Variants in PTDSS1 observed in about 807,000 individuals in gnomAD.
PTDSS1 encodes phosphatidylserine synthase 1, also known as PSS-1.
Under a neutral mutation model 70.5 loss-of-function variants are expected in PTDSS1, and 45 were observed. The observed-to-expected ratio is 0.64, with a 90% CI of 0.50 to 0.82. The LOEUF is 0.82. PTDSS1 is among the 40% of genes least tolerant of loss of function. The pLI is 0.00. For synonymous variants in PTDSS1, 188 were observed against 203.8 expected, an observed-to-expected ratio of 0.92 and a Z score of 0.66; for missense variants, 417 against 586.1, an observed-to-expected ratio of 0.71 and a Z score of 2.98.
chr8:96,271,316 G>A (rs1263599451), intron 1 of PTDSS1, among the ~76,000 whole-genome samples: 1 of 152,120 alleles, frequency 6.6e-6, no homozygotes, highest in South Asian at 2.1e-4. Flanking sequence ...TCTGCAATTT[G>A]CTTTATTTAC....
intron 12 of PTDSS1, among the ~76,000 whole-genome samples, chr8:96,333,059 A>G (rs1329330672): frequency 6.6e-6 from 1 of 152,206 alleles, no homozygotes; most frequent in African/African-American, 2.4e-5. Flanking sequence ...GGTGTGGAGC[A>G]GGTGAAGGGA....
chr8:96,267,633 G>A (rs1206564449), intron 1 of PTDSS1, among the ~76,000 whole-genome samples: 10 of 152,154 alleles, frequency 6.6e-5, no homozygotes, highest in African/African-American at 2.4e-4. Flanking sequence ...TCCATAAAAC[G>A]AAATTAGTAT....
At chr8:96,270,675 C>A (rs928711371) in intron 1 of PTDSS1, among the ~76,000 whole-genome samples, 11 of 152,176 alleles carry the variant, frequency 7.2e-5, no homozygotes, top group Admixed American at 6.5e-5. Context: ...GAAGTTTGAT[C>A]TTCCCATACT....
In PTDSS1 at chr8:96,262,358, G is replaced by A. The variant is rs1586177261; in HGVS notation, c.179+139G>A. 1.7e-6 allele frequency: 2 copies of A among 1,162,336 alleles called. No homozygotes were observed. Among genetic ancestry groups the A allele is most frequent in the East Asian group, 2.7e-5 (1 of 37,240 alleles). 72.0% of individuals were successfully genotyped at this position (1,162,336 alleles called of 1,614,324 possible). A position where few individuals can be genotyped will look rare whatever the true frequency, so the allele number is the denominator to read the frequency against. On this transcript the variant is annotated intron_variant, in intron 1 of 12. Coordinates refer to ENST00000517309, the MANE Select transcript of PTDSS1 (RefSeq NM_014754.3). The surrounding 1 kb of genome is among the most constrained non-coding windows in gnomAD (Gnocchi z 4.4). ...CTCCACGCACACGCACTGGCAGCCC[G>A]CCGCCCACGCGGCCCCTCCGCCCGC...
In PTDSS1 at chr8:96,333,847, G is replaced by C; in HGVS notation, c.*281G>C. ...CAGCGCGGTGTGTTGAAGGGAAACG[G>C]TAGCTATTCATTCACAGTTGCCAAG... On this transcript the variant is annotated 3_prime_UTR_variant, in exon 13 of 13. Coordinates refer to ENST00000517309, the MANE Select transcript of PTDSS1 (RefSeq NM_014754.3). 1.5e-6 allele frequency: 1 copy of C among 651,072 alleles called. No individual in the cohort carries two copies. The highest frequency in any genetic ancestry group is 2.4e-5 in the Admixed American group (1 of 41,566). The allele number at this position is 651,072 out of a possible 1,614,324, so 40.3% of individuals were successfully genotyped here. A position where few individuals can be genotyped will look rare whatever the true frequency, so the allele number is the denominator to read the frequency against.
At chr8:96,292,307 A>AAG (rs1810919101) in intron 4 of PTDSS1, among the ~76,000 whole-genome samples, 1 of 140,452 alleles carries the variant, frequency 7.1e-6, no homozygotes, top group Non-Finnish European at 1.5e-5. Context: ...AAAAAAAAAA[A>AAG]AAAGAAAAGA....
intron 1 of PTDSS1, among the ~76,000 whole-genome samples, chr8:96,266,652 CT>C (rs1377349989): frequency 6.6e-6 from 1 of 152,160 alleles, no homozygotes; most frequent in Non-Finnish European, 1.5e-5. Flanking sequence ...CCTGCATGCC[CT>C]TGTTGGCTGA....
intron 12 of PTDSS1, among the ~76,000 whole-genome samples, chr8:96,333,086 C>T (rs914957219): frequency 6.6e-6 from 1 of 152,192 alleles, no homozygotes; most frequent in African/African-American, 2.4e-5. Context: ...CCCTTGGTTG[C>T]AGGGCAGGAT....
intron 2 of PTDSS1, among the ~76,000 whole-genome samples, chr8:96,281,122 C>T (rs898127812): frequency 3.3e-5 from 5 of 152,134 alleles, no homozygotes; most frequent in African/African-American, 1.2e-4. Flanking sequence ...GTGCAAGTAA[C>T]CTAGTGAGCG....
intron 9 of PTDSS1, among the ~76,000 whole-genome samples, chr8:96,319,830 C>T (rs1811349464): frequency 6.6e-6 from 1 of 152,092 alleles, no homozygotes; most frequent in South Asian, 2.1e-4. Context: ...AGGCAGATAC[C>T]AGCCTGTGAC....
At chr8:96,295,307 T>C in intron 5 of PTDSS1, 51 bp downstream of exon 5, 1 of 1,514,652 alleles carries the variant, frequency 6.6e-7, no homozygotes, top group Non-Finnish European at 8.9e-7. Flanking sequence ...GTGTGTAGTT[T>C]ATATATAGGA....
Position 96,309,658 on chromosome 8 carries a change from C to T in PTDSS1, c.1073+36C>T, listed in dbSNP as rs1377192970. ...TGTTATTGTGGAGATTTAAAAACCA[C>T]TTAAGCCCTAATTTTATTTGGGTAT... On this transcript the variant is annotated intron_variant, in intron 9 of 12. Transcript: ENST00000517309. 1.9e-6 allele frequency: 3 copies of T among 1,603,076 alleles called. No homozygotes were observed. In the Admixed American group the frequency reaches 5.0e-5, roughly 27 times the overall value.
intron 2 of PTDSS1, among the ~76,000 whole-genome samples, chr8:96,276,247 T>A (rs1197304998): frequency 2.6e-5 from 4 of 152,212 alleles, no homozygotes; most frequent in Non-Finnish European, 5.9e-5. Context: ...TGGGGCTTCA[T>A]TAGCTGATGT....
chr8:96,262,252 C>A lies in PTDSS1; in HGVS notation c.179+33C>A. 1 of 1,091,488 alleles carries A rather than the reference C, an allele frequency of 9.2e-7. No individual in the cohort carries two copies. The highest frequency in any genetic ancestry group is 1.6e-5 in the African/African-American group (1 of 60,998). The allele number at this position is 1,091,488 out of a possible 1,614,324, so 67.6% of individuals were successfully genotyped here. A position where few individuals can be genotyped will look rare whatever the true frequency, so the allele number is the denominator to read the frequency against. The stretch of plus-strand genomic sequence containing the variant: ...GGCCCAGCCGAGCGGGGGGCGCGTC[C>A]AAGGGCTAGGGAAGAGGCGGGAGGG... On this transcript the variant is annotated intron_variant, in intron 1 of 12. Transcript: ENST00000517309. This position sits in a 1 kb window ranked among gnomAD's most constrained non-coding sequence, Gnocchi z 4.4.
At chr8:96,286,931 G>A (rs1810830859) in intron 3 of PTDSS1, 91 bp from the exon 4 acceptor site, 2 of 1,504,628 alleles carry the variant, frequency 1.3e-6, no homozygotes, top group African/African-American at 1.4e-5. Context: ...TTAGTGTCTG[G>A]TTTTGGCAAT....
chr8:96,276,593 C>T (rs981788986), intron 2 of PTDSS1, among the ~76,000 whole-genome samples: 1 of 152,186 alleles, frequency 6.6e-6, no homozygotes, highest in Non-Finnish European at 1.5e-5. Flanking sequence ...TGATGTCAGC[C>T]TGTTCGCAGG....
chr8:96,320,370 G>A (rs1811357787), intron 10 of PTDSS1, 25 bp downstream of exon 10: 3 of 1,548,158 alleles, frequency 1.9e-6, no homozygotes, highest in Non-Finnish European at 8.9e-7. Flanking sequence ...TTTACCCAAA[G>A]GCATTAGCTA....
Position 96,262,167 on chromosome 8 carries a change from A to G in PTDSS1, c.127A>G (p.Ile43Val), listed in dbSNP as rs1370053835. The change falls in exon 1 of 13, where the codon ATC becomes GTC. Residue 43 changes from isoleucine to valine, a missense_variant. Transcript: ENST00000517309. This position sits in a 1 kb window ranked among gnomAD's most constrained non-coding sequence, Gnocchi z 4.4. ...TIDFFYRPHT[I>V]TLLSFTIVSL... ...TGACTTCTTCTACCGGCCGCATACC[A>G]TCACCCTGCTCAGCTTCACCATCGT... 1 of 1,613,770 alleles carries G rather than the reference A, an allele frequency of 6.2e-7. No individual in the cohort carries two copies. The highest frequency in any genetic ancestry group is 8.5e-7 in the Non-Finnish European group (1 of 1,179,800).
chr8:96,300,426 C>G (rs1336798143), intron 6 of PTDSS1, among the ~76,000 whole-genome samples: 1 of 152,168 alleles, frequency 6.6e-6, no homozygotes, highest in Non-Finnish European at 1.5e-5. Flanking sequence ...GCCTGATCAT[C>G]CTTTTCTTTG....
Sources: gnomAD v4.1 joint callset for allele counts (sites outside exome capture counted in the v4.1 genomes callset) on GRCh38, gnomAD v4.1.1 for gene constraint, Gnocchi (gnomAD v3.1) non-coding constraint, MANE v1.5 for transcripts, NCBI Gene and HGNC (gene_info 2026-07-23, HGNC 2026-07-21) for gene names.